Variants in RFX4 observed in about 807,000 individuals in gnomAD.
The protein encoded by RFX4 is transcription factor RFX4.
In RFX4, 10 loss-of-function variants were observed where a neutral mutation model predicts 95.0. The observed-to-expected ratio is 0.11, with a 90% CI of 0.06 to 0.18. RFX4 has a LOEUF of 0.18. Among genes scored for constraint, RFX4 ranks in the 10% least tolerant of loss-of-function variants. The pLI is 1.00. For missense variants in RFX4, 640 were observed against 922.0 expected (o/e 0.69, Z 3.96); for synonymous variants, 321 against 340.7 (o/e 0.94, Z 0.64).
chr12:106,639,432 G>C (rs2040575257), intron 3 of RFX4, 40 bp downstream of exon 3: 1 of 1,564,830 alleles, frequency 6.4e-7, no homozygotes, highest in East Asian at 2.2e-5. Flanking sequence ...TTCAGAGGAT[G>C]CTCATATCTT....
chr12:106,638,961 G>A (rs1175437934), intron 2 of RFX4, among the ~76,000 whole-genome samples: 1 of 152,182 alleles, frequency 6.6e-6, no homozygotes, highest in Non-Finnish European at 1.5e-5. Flanking sequence ...CAAATATTCA[G>A]TCCATAGCAG....
At chr12:106,685,022 G>T in intron 5 of RFX4, 1 of 1,539,816 alleles carries the variant, frequency 6.5e-7, no homozygotes, top group Non-Finnish European at 8.8e-7. Context: ...GTATGATTTT[G>T]TGACTTTCAT....
intron 3 of RFX4, chr12:106,646,070 T>A (rs2040738004): frequency 1.6e-6 from 1 of 635,406 alleles, no homozygotes; most frequent in Non-Finnish European, 2.5e-6. Flanking sequence ...GTAAAGCCAT[T>A]TGACGGGCAA....
intron 1 of RFX4, among the ~76,000 whole-genome samples, chr12:106,587,135 G>T (rs1478618187): frequency 1.3e-5 from 2 of 152,238 alleles, no homozygotes; most frequent in East Asian, 3.9e-4. Flanking sequence ...GAGGCTGCAC[G>T]CAGGCTGGGT....
At chr12:106,650,714 C>T (rs764104517) in intron 3 of RFX4, among the ~76,000 whole-genome samples, 3 of 151,226 alleles carry the variant, frequency 2.0e-5, no homozygotes, top group African/African-American at 2.4e-5. Flanking sequence ...GGTGACAGAG[C>T]GAAACTCTGT....
At chr12:106,737,470 T>C (rs1018933811) in intron 15 of RFX4, among the ~76,000 whole-genome samples, 4 of 152,082 alleles carry the variant, frequency 2.6e-5, no homozygotes, top group Middle Eastern at 3.4e-3. Flanking sequence ...CAGAGTATCA[T>C]GGGAGCATGA....
Position 106,747,661 on chromosome 12 carries a change from A to C in RFX4, c.1796+62A>C, listed in dbSNP as rs2042919912. 26 of 1,567,110 alleles carry C rather than the reference A, an allele frequency of 1.7e-5. No homozygotes were observed. The South Asian group carries it at 2.9e-4, about 17-fold the overall frequency. On this transcript the variant is annotated intron_variant, in intron 16 of 17. Coordinates refer to ENST00000392842, the MANE Select transcript of RFX4 (RefSeq NM_213594.3). Reference sequence around the variant, plus strand: ...AATTTGATCTAAAGAGGCTGGGCACAGCAGCTCACACCCTGTAATCCCAGC... The same window carrying C: ...AATTTGATCTAAAGAGGCTGGGCACCGCAGCTCACACCCTGTAATCCCAGC...
At chr12:106,632,796 A>C (rs1592873878) in intron 2 of RFX4, among the ~76,000 whole-genome samples, 1 of 152,004 alleles carries the variant, frequency 6.6e-6, no homozygotes, top group Admixed American at 6.6e-5. Context: ...TGGGACTACA[A>C]GTGCATGCCA....
chr12:106,726,598 G>C (rs142285534), intron 13 of RFX4, among the ~76,000 whole-genome samples: 2 of 151,968 alleles, frequency 1.3e-5, no homozygotes, highest in African/African-American at 2.4e-5. Flanking sequence ...TCATTACTTC[G>C]TGTTATATTT....
intron 15 of RFX4, among the ~76,000 whole-genome samples, chr12:106,739,197 T>C (rs1396177752): frequency 6.6e-6 from 1 of 151,944 alleles, no homozygotes; most frequent in Non-Finnish European, 1.5e-5. Flanking sequence ...CTTTAAAAAT[T>C]TATTAAAATC....
At chr12:106,675,239 T>A (rs2041368630) in intron 4 of RFX4, among the ~76,000 whole-genome samples, 1 of 152,164 alleles carries the variant, frequency 6.6e-6, no homozygotes, top group East Asian at 1.9e-4. Context: ...GAGACCAGCC[T>A]GGCCAACATG....
At chr12:106,592,800 T>C (rs1021861742) in intron 1 of RFX4, among the ~76,000 whole-genome samples, 4 of 152,194 alleles carry the variant, frequency 2.6e-5, no homozygotes, top group Admixed American at 6.5e-5. Context: ...CTTGCATTTA[T>C]ATATATATTT....
intron 7 of RFX4, chr12:106,693,123 G>A (rs955909575): frequency 1.1e-5 from 5 of 442,372 alleles, no homozygotes; most frequent in African/African-American, 8.1e-5. Flanking sequence ...CACTGCATCT[G>A]TCCATTTCAT....
Position 106,706,357 on chromosome 12 carries a change from G to T in RFX4, c.834-2973G>T, listed in dbSNP as rs572773522. On this transcript the variant is annotated intron_variant, in intron 8 of 17. Transcript: ENST00000392842. Reference sequence around the variant, plus strand: ...TTGGAAATGTCCCTCTGACAATGTGGAAGATGGAGTGGAGGTGGGAGGGTG... The same window carrying T: ...TTGGAAATGTCCCTCTGACAATGTGTAAGATGGAGTGGAGGTGGGAGGGTG... 3.9e-5 allele frequency among the ~76,000 whole-genome samples: 6 copies of T among 152,336 alleles called. No homozygotes were observed. The East Asian group carries it at 1.2e-3, about 29-fold the overall frequency.
At chr12:106,674,601 A>AT (rs1445718076) in intron 4 of RFX4, among the ~76,000 whole-genome samples, 1 of 151,586 alleles carries the variant, frequency 6.6e-6, no homozygotes, top group African/African-American at 2.4e-5. Flanking sequence ...AAGTGTTGGG[A>AT]TTATAGGCAT....
At chr12:106,664,907 A>T (rs1224665894) in intron 4 of RFX4, among the ~76,000 whole-genome samples, 1 of 151,868 alleles carries the variant, frequency 6.6e-6, no homozygotes, top group Non-Finnish European at 1.5e-5. Context: ...CAGACATTAT[A>T]TGATTTTTGT....
At chr12:106,708,285 T>C (rs2042124951) in intron 8 of RFX4, among the ~76,000 whole-genome samples, 1 of 151,520 alleles carries the variant, frequency 6.6e-6, no homozygotes, top group African/African-American at 2.4e-5. Flanking sequence ...GAGGAAGAGA[T>C]GAACCAGACA....
intron 1 of RFX4, among the ~76,000 whole-genome samples, chr12:106,601,961 A>G (rs1454820590): frequency 1.3e-5 from 2 of 152,170 alleles, no homozygotes; most frequent in African/African-American, 4.8e-5. Flanking sequence ...TGAAGCAGCC[A>G]GGCTTTCCTC....
At chr12:106,656,973 A>G (rs916552968) in intron 4 of RFX4, among the ~76,000 whole-genome samples, 1 of 152,244 alleles carries the variant, frequency 6.6e-6, no homozygotes, top group Non-Finnish European at 1.5e-5. Flanking sequence ...TGCTCTGTGC[A>G]GCTGCCTTGC....
Sources: allele counts gnomAD v4.1 joint callset (sites outside exome capture counted in the v4.1 genomes callset), GRCh38; gene constraint gnomAD v4.1.1; transcripts MANE v1.5; gene names NCBI Gene and HGNC (gene_info 2026-07-23, HGNC 2026-07-21).